Variants in AKIRIN1 observed in about 807,000 individuals in gnomAD.
AKIRIN1 encodes the protein akirin-1.
A neutral mutation model predicts 25.9 loss-of-function variants in AKIRIN1; 4 were observed. That is an observed-to-expected ratio of 0.15 (90% CI 0.08 to 0.35). AKIRIN1 has a LOEUF of 0.35. Ranked by LOEUF, AKIRIN1 falls within the 10% of genes least tolerant of loss-of-function variation. The pLI, the probability that AKIRIN1 is intolerant of heterozygous loss-of-function variation, is 1.00. For synonymous variants in AKIRIN1, 125 were observed against 105.1 expected (o/e 1.19, Z -1.16); for missense variants, 243 against 266.1 (o/e 0.91, Z 0.61).
chr1:38,996,789 A>G (rs757948657), intron 1 of AKIRIN1, among the ~76,000 whole-genome samples: 1 of 152,080 alleles, frequency 6.6e-6, no homozygotes, highest in Non-Finnish European at 1.5e-5. Context: ...TCAGCCTCCC[A>G]AAGTGCTGGG....
Position 38,992,672 on chromosome 1 carries a change from G to C in AKIRIN1, c.220+1072G>C, listed in dbSNP as rs910519998. Among the ~76,000 whole-genome samples the C allele has an allele frequency of 3.4e-4, 52 of 152,042 alleles. 1 individual carries two copies. Among genetic ancestry groups the C allele is most frequent in the South Asian group, 2.1e-4 (1 of 4,798 alleles). On this transcript the variant is annotated intron_variant, in intron 1 of 4. Transcript: ENST00000432648. ...GTCCCAGACTTCATATCCTTAACTC[G>C]AGTTCACCTTTTTAATCCTAGAATT...
Position 38,991,550 on chromosome 1 carries a change from G to T in AKIRIN1, c.170G>T (p.Ser57Ile). The change falls in exon 1 of 5, where the codon AGT (serine) becomes ATT (isoleucine). Residue 57 changes from serine to isoleucine, a missense_variant. Coordinates refer to ENST00000432648, the MANE Select transcript of AKIRIN1 (RefSeq NM_024595.3). The part of the protein sequence containing the change: ...PPFQTQTPPQ[S>I]LQQPAPPGSE... Reference sequence around the variant, plus strand: ...TTTCAGACGCAGACCCCACCGCAGAGTCTGCAGCAGCCCGCCCCGCCCGGC... The same window carrying T: ...TTTCAGACGCAGACCCCACCGCAGATTCTGCAGCAGCCCGCCCCGCCCGGC... The T allele has an allele frequency of 7.1e-7, 1 of 1,417,512 alleles. No individual in the cohort carries two copies. The highest frequency in any genetic ancestry group is 9.2e-7 in the Non-Finnish European group (1 of 1,089,170). 87.8% of individuals were successfully genotyped at this position (1,417,512 alleles called of 1,614,324 possible).
At chr1:38,992,048 G>C (rs1227118588) in intron 1 of AKIRIN1, among the ~76,000 whole-genome samples, 1 of 152,200 alleles carries the variant, frequency 6.6e-6, no homozygotes, top group Non-Finnish European at 1.5e-5. Flanking sequence ...AGTGCGTGCT[G>C]TTTAGCCCTG....
chr1:39,000,859 T>G, intron 2 of AKIRIN1, 113 bp from the exon 3 acceptor site: 1 of 1,212,614 alleles, frequency 8.2e-7, no homozygotes, highest in Non-Finnish European at 1.1e-6. Context: ...TTTCTCCACG[T>G]TGTCAGGCTG....
intron 1 of AKIRIN1, among the ~76,000 whole-genome samples, chr1:38,995,159 C>G (rs1305328040): frequency 6.6e-6 from 1 of 152,108 alleles, no homozygotes; most frequent in Non-Finnish European, 1.5e-5. Flanking sequence ...AGCAATAGTC[C>G]CATTTCGAGC....
intron 1 of AKIRIN1, 56 bp downstream of exon 1, chr1:38,991,656 G>C (rs1411416061): frequency 9.7e-7 from 1 of 1,026,910 alleles, no homozygotes; most frequent in African/African-American, 1.7e-5. Context: ...TTTTTTGGGG[G>C]GGGTGGTGGG....
chr1:39,003,177 G>C (rs952929675), intron 3 of AKIRIN1, among the ~76,000 whole-genome samples, 170 bp from the exon 4 acceptor site: 1 of 152,184 alleles, frequency 6.6e-6, no homozygotes, highest in Non-Finnish European at 1.5e-5. Flanking sequence ...AAGAGGAACA[G>C]ATCTCAGTGA....
intron 3 of AKIRIN1, 73 bp downstream of exon 3, chr1:39,001,179 GA>G: frequency 1.3e-6 from 2 of 1,499,832 alleles, no homozygotes; most frequent in Non-Finnish European, 1.8e-6. Context: ...AAATAACTTA[GA>G]AAAAGAGAGT....
At chr1:39,003,441 T>C (rs1644009826) in intron 4 of AKIRIN1, 23 bp downstream of exon 4, 1 of 1,607,470 alleles carries the variant, frequency 6.2e-7, no homozygotes, top group Non-Finnish European at 8.5e-7. Context: ...ACATTTTCTT[T>C]GAATTTTCTA....
intron 1 of AKIRIN1, among the ~76,000 whole-genome samples, chr1:38,995,634 A>G (rs752559757): frequency 5.3e-5 from 8 of 152,192 alleles, no homozygotes; most frequent in Non-Finnish European, 5.9e-5. Context: ...GAGGTTTATC[A>G]AAGACCTTCT....
At chr1:38,994,244 A>C (rs1021265644) in intron 1 of AKIRIN1, among the ~76,000 whole-genome samples, 1 of 152,214 alleles carries the variant, frequency 6.6e-6, no homozygotes, top group African/African-American at 2.4e-5. Flanking sequence ...GTATAATGCA[A>C]CTATTCCACA....
rs1644016593 is a variant in AKIRIN1 at position 39,004,270 on chromosome 1, T to C, written c.*215T>C. ...TTTCTGCTCATCCAATAAACAGCTG[T>C]GCCCTACTGTGATAGATTTTCCAAA... On this transcript the variant is annotated 3_prime_UTR_variant, in exon 5 of 5. Transcript: ENST00000432648. 1 of 680,214 alleles carries C rather than the reference T, an allele frequency of 1.5e-6. No individual in the cohort carries two copies. The highest frequency in any genetic ancestry group is 2.7e-6 in the Non-Finnish European group (1 of 372,082). The allele number at this position is 680,214 out of a possible 1,614,324, so 42.1% of individuals were successfully genotyped here. A position where few individuals can be genotyped will look rare whatever the true frequency, so the allele number is the denominator to read the frequency against.
intron 2 of AKIRIN1, among the ~76,000 whole-genome samples, chr1:38,999,414 A>G (rs946188235): frequency 6.6e-6 from 1 of 152,234 alleles, no homozygotes; most frequent in African/African-American, 2.4e-5. Flanking sequence ...GTAGTGTAAC[A>G]TTTTGATTAT....
chr1:38,991,730 C>G, intron 1 of AKIRIN1, 130 bp downstream of exon 1: 1 of 1,052,766 alleles, frequency 9.5e-7, no homozygotes, highest in East Asian at 3.3e-5. Flanking sequence ...GAAAAGGGAA[C>G]TGGGATGCCG....
intron 2 of AKIRIN1, 30 bp downstream of exon 2, chr1:38,998,341 A>G (rs1643963070): frequency 5.1e-6 from 8 of 1,573,318 alleles, no homozygotes; most frequent in South Asian, 2.3e-5. Context: ...CAAAATTCGC[A>G]TTAAGAGTTT....
chr1:38,994,723 C>A (rs1643934930), intron 1 of AKIRIN1, among the ~76,000 whole-genome samples: 1 of 98,084 alleles, frequency 1.0e-5, no homozygotes, highest in South Asian at 4.9e-4. Flanking sequence ...ACGTTTCGCT[C>A]TTGTTGCCCA....
rs993116680 is a variant in AKIRIN1 at position 39,005,611 on chromosome 1, A to C, written c.*1556A>C. The stretch of plus-strand genomic sequence containing the variant: ...TTCTATTAATATTGTTTTACTTTGA[A>C]TATAGAATAGTTTTTTTAATTAGGG... On this transcript the variant is annotated 3_prime_UTR_variant, in exon 5 of 5. Coordinates refer to ENST00000432648, the MANE Select transcript of AKIRIN1 (RefSeq NM_024595.3). 9 of 152,222 alleles carry C rather than the reference A, an allele frequency of 5.9e-5. No homozygotes were observed. The highest frequency in any genetic ancestry group is 2.2e-4 in the African/African-American group (9 of 41,454). 9.4% of individuals were successfully genotyped at this position (152,222 alleles called of 1,614,324 possible).
At chr1:39,003,323 T>C in intron 3 of AKIRIN1, 24 bp from the exon 4 acceptor site, 1 of 1,607,142 alleles carries the variant, frequency 6.2e-7, no homozygotes, top group South Asian at 1.1e-5. Context: ...TTGCTGAGGA[T>C]AAGTATGTAC....
chr1:39,000,345 CTTTTTT>C (rs3078308), intron 2 of AKIRIN1, among the ~76,000 whole-genome samples: 1 of 128,316 alleles, frequency 7.8e-6, no homozygotes, highest in Non-Finnish European at 1.6e-5. Flanking sequence ...TTTTCTTTTT[CTTTTTT>C]TTTTTTTTTT....
Sources: allele counts gnomAD v4.1 joint callset (sites outside exome capture counted in the v4.1 genomes callset), GRCh38; gene constraint gnomAD v4.1.1; transcripts MANE v1.5; gene names NCBI Gene and HGNC (gene_info 2026-07-23, HGNC 2026-07-21).